PLAT: variants seen among roughly 807,000 people sequenced by gnomAD.
PLAT encodes the protein tissue-type plasminogen activator.
Under a neutral mutation model 74.9 loss-of-function variants are expected in PLAT, and 48 were observed. The observed-to-expected ratio is 0.64, with a 90% CI of 0.51 to 0.82. The LOEUF (loss-of-function observed/expected upper bound fraction) is 0.82, where lower values mean the gene tolerates loss of function less well. Ranked by LOEUF, PLAT falls within the 40% of genes least tolerant of loss-of-function variation. The probability of loss-of-function intolerance (pLI) is 0.00; values close to 1 mark genes in which losing one functional copy is unlikely to be tolerated. For synonymous variants in PLAT, 307 were observed against 294.4 expected, an observed-to-expected ratio of 1.04 and a Z score of -0.44; for missense variants, 673 against 736.2, an observed-to-expected ratio of 0.91 and a Z score of 0.99.
chr8:42,200,033 T>C (rs1806066418), intron 1 of PLAT, among the ~76,000 whole-genome samples: 1 of 152,232 alleles, frequency 6.6e-6, no homozygotes, highest in Non-Finnish European at 1.5e-5. Context: ...TGTATCATTA[T>C]ATGACTTTAC....
intron 4 of PLAT, 111 bp from the exon 5 acceptor site, chr8:42,188,127 G>A (rs1414724310): frequency 1.6e-5 from 10 of 643,088 alleles, no homozygotes; most frequent in South Asian, 5.5e-5. Context: ...GTCCTGCAGC[G>A]TGGAACACGC....
At chr8:42,193,589 C>T in intron 1 of PLAT, 1 of 208,794 alleles carries the variant, frequency 4.8e-6, no homozygotes, top group South Asian at 8.9e-5. Context: ...CTGCTACTTT[C>T]TGTCTGTATG....
chr8:42,188,157 T>C, intron 4 of PLAT, 141 bp from the exon 5 acceptor site: 2 of 548,502 alleles, frequency 3.6e-6, no homozygotes, highest in Non-Finnish European at 6.5e-6. Context: ...TTCTGCATCC[T>C]ACAAATACTG....
intron 1 of PLAT, among the ~76,000 whole-genome samples, chr8:42,205,585 C>G (rs754191914): frequency 6.6e-6 from 1 of 152,202 alleles, no homozygotes; most frequent in Non-Finnish European, 1.5e-5. Flanking sequence ...CCTCTGCCCC[C>G]CTCTCATATG....
At position 42,180,939 on chromosome 8, in the gene PLAT, C is replaced by A. The variant is rs763991215; in HGVS notation, c.890-254G>T. ...GTTTGACTCCAAAACTGGGGATCTG[C>A]CATCCTTCATTCCTTCTAATGTTTT... On this transcript the variant is annotated intron_variant, in intron 9 of 13. Coordinates refer to ENST00000220809, the MANE Select transcript of PLAT (RefSeq NM_000930.5). 1.8e-4 allele frequency among the ~76,000 whole-genome samples: 28 copies of A among 152,356 alleles called. No individual in the cohort carries two copies. The Middle Eastern group carries it at 0.01, about 56-fold the overall frequency.
intron 6 of PLAT, chr8:42,186,779 A>G (rs981113974): frequency 2.6e-5 from 4 of 151,122 alleles, no homozygotes; most frequent in Non-Finnish European, 4.4e-5. Context: ...TCTATCTATC[A>G]TCTATCATCT....
Position 42,188,971 on chromosome 8 carries a change from G to C in PLAT, c.216C>G (p.Asn72Lys). 1 of 1,613,962 alleles carries C rather than the reference G, an allele frequency of 6.2e-7. No homozygotes were observed. Among genetic ancestry groups the C allele is most frequent in the African/African-American group, 1.3e-5 (1 of 75,032 alleles). ...CTGAGTGGCACTGTGCCCTGCCACTGTTGCACCAGCAATATTCCACCCGGT... is the reference window on the plus strand; with the variant it reads ...CTGAGTGGCACTGTGCCCTGCCACTCTTGCACCAGCAATATTCCACCCGGT... ...RSNRVEYCWC[N>K]SGRAQCHSVP... Residue 72 changes from asparagine to lysine, a missense_variant, in exon 4 of 14, where the codon AAC (asparagine) becomes AAG (lysine). Physicochemically the swap from Asn to Lys is moderately conservative, Grantham distance 94 (BLOSUM62 0). Transcript: ENST00000220809.
chr8:42,191,277 G>T (rs1337827952), intron 3 of PLAT, 95 bp downstream of exon 3: 5 of 945,412 alleles, frequency 5.3e-6, no homozygotes, highest in Non-Finnish European at 8.7e-6. Context: ...GCAGGTGGTG[G>T]GTGGAAGAAG....
At chr8:42,207,149 C>T (rs1045025816) in intron 1 of PLAT, among the ~76,000 whole-genome samples, 6 of 152,192 alleles carry the variant, frequency 3.9e-5, no homozygotes, top group African/African-American at 1.4e-4. Context: ...GCTTTTATTG[C>T]TTGCTCGTCT....
chr8:42,194,241 A>AGAGAGAGAGAGAGAGAGAGTGT (rs1419569830), intron 1 of PLAT, among the ~76,000 whole-genome samples: 5 of 52,576 alleles, frequency 9.5e-5, no homozygotes, highest in Admixed American at 2.6e-4. Flanking sequence ...AGAGAGAGAG[A>AGAGAGAGAGAGAGAGAGAGTGT]GTGTGTGTGT....
intron 1 of PLAT, among the ~76,000 whole-genome samples, chr8:42,203,969 T>TTATATATATATATATA (rs373313453): frequency 4.5e-4 from 47 of 104,924 alleles, no homozygotes; most frequent in African/African-American, 1.6e-3. Flanking sequence ...TGTCTCTAAA[T>TTATATATATATATATA]TATATATATA....
intron 1 of PLAT, among the ~76,000 whole-genome samples, chr8:42,197,714 C>A (rs369242941): frequency 2.6e-5 from 4 of 152,286 alleles, no homozygotes; most frequent in South Asian, 2.1e-4. Context: ...GTATTACATC[C>A]CCCTCTATCT....
rs72641454 is a variant in PLAT, at chr8:42,197,254, G to A, written c.-26-4043C>T. On this transcript the variant is annotated intron_variant, in intron 1 of 13. Transcript: ENST00000220809. Reference sequence around the variant, plus strand: ...GGACACAGCCAGCATATCTGTGCTCGGCCAGCCCTGTCTGCTTCCAACCTG... The same window carrying A: ...GGACACAGCCAGCATATCTGTGCTCAGCCAGCCCTGTCTGCTTCCAACCTG... 3.9e-3 allele frequency among the ~76,000 whole-genome samples: 599 copies of A among 152,290 alleles called. 3 individuals are homozygous for A. The highest frequency in any genetic ancestry group is 0.027 in the Middle Eastern group (8 of 294).
In PLAT at chr8:42,201,936, A is replaced by G. The variant is rs114453712; in HGVS notation, c.-27+5558T>C. Among the ~76,000 whole-genome samples, 838 of 152,362 alleles carry G rather than the reference A, an allele frequency of 5.5e-3. 5 individuals carry two copies. Among genetic ancestry groups the G allele is most frequent in the African/African-American group, 0.018 (757 of 41,586 alleles). ...AGACACCGGCTCTTGCTACAACAAG[A>G]TAAAATACAACGGGTTTCTCTTTTT... is the stretch of plus-strand genomic sequence containing the variant. On this transcript the variant is annotated intron_variant, in intron 1 of 13. Coordinates refer to ENST00000220809, the MANE Select transcript of PLAT (RefSeq NM_000930.5).
At chr8:42,196,093 G>A (rs1449501590) in intron 1 of PLAT, among the ~76,000 whole-genome samples, 1 of 152,216 alleles carries the variant, frequency 6.6e-6, no homozygotes, top group Non-Finnish European at 1.5e-5. Context: ...GCAATGTGAA[G>A]AGTGCAGTAT....
chr8:42,194,241 A>AGAGAGAGAGAGAGAGTGTGTGTGTGTGT (rs1419569830), intron 1 of PLAT, among the ~76,000 whole-genome samples: 4 of 52,542 alleles, frequency 7.6e-5, no homozygotes, highest in African/African-American at 2.7e-4. Flanking sequence ...AGAGAGAGAG[A>AGAGAGAGAGAGAGAGTGTGTGTGTGTGT]GTGTGTGTGT....
intron 4 of PLAT, 43 bp downstream of exon 4, chr8:42,188,891 C>CT (rs1805583711): frequency 1.3e-6 from 2 of 1,575,096 alleles, no homozygotes; most frequent in Non-Finnish European, 1.7e-6. Context: ...TCCTAAAGTG[C>CT]TGGGATCACA....
At chr8:42,190,847 A>T (rs1805654328) in intron 3 of PLAT, among the ~76,000 whole-genome samples, 1 of 151,836 alleles carries the variant, frequency 6.6e-6, no homozygotes, top group Non-Finnish European at 1.5e-5. Flanking sequence ...TGGGTGGGAC[A>T]TCCCAGTTGG....
chr8:42,198,796 A>G (rs1339825733), intron 1 of PLAT, among the ~76,000 whole-genome samples: 1 of 152,236 alleles, frequency 6.6e-6, no homozygotes. Context: ...TGAAAACCTG[A>G]GCAAGAGAAA....
Sources: gnomAD v4.1 joint callset for allele counts (sites outside exome capture counted in the v4.1 genomes callset) on GRCh38, gnomAD v4.1.1 for gene constraint, MANE v1.5 for transcripts, NCBI Gene and HGNC (gene_info 2026-07-23, HGNC 2026-07-21) for gene names.